Variants in TCF3 observed in about 807,000 individuals in gnomAD.
TCF3 encodes transcription factor 3.
A neutral mutation model predicts 72.3 loss-of-function variants in TCF3; 54 were observed. The observed-to-expected ratio is 0.75, with a 90% CI of 0.60 to 0.94. The LOEUF (loss-of-function observed/expected upper bound fraction) is 0.94. TCF3 is among the 40% of genes least tolerant of loss of function. The probability of loss-of-function intolerance (pLI) is 0.00; values close to 1 mark genes in which losing one functional copy is unlikely to be tolerated. For missense variants in TCF3, 1,078 were observed against 934.4 expected (o/e 1.15, Z -2.00); for synonymous variants, 525 against 412.6 (o/e 1.27, Z -3.30).
At chr19:1,616,832 T>C (rs2061595467) in intron 16 of TCF3, among the ~76,000 whole-genome samples, 1 of 150,180 alleles carries the variant, frequency 6.7e-6, no homozygotes, top group Non-Finnish European at 1.5e-5. Flanking sequence ...GAATTGAGAG[T>C]TCCTGATCAG....
chr19:1,618,294 C>T (rs908217553), intron 16 of TCF3, among the ~76,000 whole-genome samples: 1 of 152,132 alleles, frequency 6.6e-6, no homozygotes, highest in Admixed American at 6.5e-5. Context: ...ACTGCTCACC[C>T]CTCCAAGGCC....
rs745480144 is a variant in TCF3, at chr19:1,632,080, T to A, written c.256A>T (p.Ser86Cys). ...SEGTHFTESHSSLSSSTFLGP... is the reference protein window; with the variant it reads ...SEGTHFTESHCSLSSSTFLGP... ...AGGAATGTGGATGAAGAGAGGCTGCTGTGCGACTCAGTGAAGTGGGTGCCC... is the reference window on the plus strand; with the variant it reads ...AGGAATGTGGATGAAGAGAGGCTGCAGTGCGACTCAGTGAAGTGGGTGCCC... The change falls in exon 5 of 19, where the codon AGC becomes TGC. Residue 86 changes from serine (S) to cysteine (C), a missense_variant. Coordinates refer to ENST00000262965, the MANE Select transcript of TCF3 (RefSeq NM_003200.5). 2 of 1,613,430 alleles carry A rather than the reference T, an allele frequency of 1.2e-6. No homozygotes were observed. Among genetic ancestry groups the A allele is most frequent in the South Asian group, 2.2e-5 (2 of 90,952 alleles).
Position 1,632,418 on chromosome 19 carries a change from C to G in TCF3, c.146-13G>C, listed in dbSNP as rs1568437966. ...CGGTCCTCAAGACCTGCAGGCAGGACAGAGAGAGTTATGGGTCACCCTCAC... is the reference window on the plus strand; with the variant it reads ...CGGTCCTCAAGACCTGCAGGCAGGAGAGAGAGAGTTATGGGTCACCCTCAC... On this transcript the variant is annotated splice_polypyrimidine_tract_variant and intron_variant, in intron 3 of 18. Transcript: ENST00000262965. 4 of 1,585,590 alleles carry G rather than the reference C, an allele frequency of 2.5e-6. No individual in the cohort carries two copies. The highest frequency in any genetic ancestry group is 1.8e-5 in the Admixed American group (1 of 56,194).
intron 1 of TCF3, among the ~76,000 whole-genome samples, chr19:1,651,782 G>A (rs1181424990): frequency 6.6e-6 from 1 of 151,824 alleles, no homozygotes; most frequent in Non-Finnish European, 1.5e-5. Context: ...TTAACGCGGA[G>A]CAGATGTTAC....
chr19:1,625,320 G>A (rs990660794), intron 7 of TCF3, among the ~76,000 whole-genome samples: 3 of 152,232 alleles, frequency 2.0e-5, no homozygotes, highest in Admixed American at 2.0e-4. Flanking sequence ...GGCAGAGCCC[G>A]TGCCCGTCAG....
chr19:1,619,001 C>CATGG, intron 16 of TCF3, 110 bp downstream of exon 16: 1 of 1,525,850 alleles, frequency 6.6e-7, no homozygotes, highest in African/African-American at 1.4e-5. Context: ...TCACCAGGTG[C>CATGG]CCCCACGGTG....
At chr19:1,648,904 A>C (rs937525950) in intron 2 of TCF3, among the ~76,000 whole-genome samples, 1 of 151,908 alleles carries the variant, frequency 6.6e-6, no homozygotes, top group African/African-American at 2.4e-5. Flanking sequence ...CCAGGAACCC[A>C]TAACACATGG....
Position 1,615,192 on chromosome 19 carries a change from G to C in TCF3, c.1822+93C>G. 1 of 1,438,850 alleles carries C rather than the reference G, an allele frequency of 6.9e-7. No individual in the cohort carries two copies. The highest frequency in any genetic ancestry group is 9.2e-7 in the Non-Finnish European group (1 of 1,083,746). The allele number at this position is 1,438,850 out of a possible 1,614,324, so 89.1% of individuals were successfully genotyped here. On this transcript the variant is annotated intron_variant, in intron 18 of 18. Transcript: ENST00000262965. This position sits in a 1 kb window ranked among gnomAD's most constrained non-coding sequence, Gnocchi z 7.3. ...GGCAACTGCTGCAGAGGGAGGGCTG[G>C]CTCCAGGAAGGCGGGCGGGGAAGGA...
chr19:1,627,477 G>A (rs1304516865), intron 5 of TCF3, 51 bp from the exon 6 acceptor site: 1 of 1,559,496 alleles, frequency 6.4e-7, no homozygotes, highest in East Asian at 2.2e-5. Context: ...GGAACATCCT[G>A]AGGGCCCCCG....
intron 5 of TCF3, among the ~76,000 whole-genome samples, chr19:1,630,024 C>G (rs893229238): frequency 6.6e-6 from 1 of 152,192 alleles, no homozygotes; most frequent in African/African-American, 2.4e-5. Context: ...CCCCGTGCCT[C>G]CCCGGGACCC....
chr19:1,639,613 G>C (rs935519796), intron 3 of TCF3, among the ~76,000 whole-genome samples: 7 of 152,102 alleles, frequency 4.6e-5, no homozygotes, highest in African/African-American at 1.7e-4. Context: ...CTCGGCAGAG[G>C]AGCTCTGCGT....
At position 1,620,985 on chromosome 19, in the gene TCF3, G is replaced by A. The variant is rs772853413; in HGVS notation, c.1076C>T (p.Ser359Phe). 5.3e-6 allele frequency: 8 copies of A among 1,512,548 alleles called. No individual in the cohort carries two copies. The highest frequency in any genetic ancestry group is 7.1e-6 in the Non-Finnish European group (8 of 1,132,080). 93.7% of individuals were successfully genotyped at this position (1,512,548 alleles called of 1,614,324 possible). The change falls in exon 13 of 19, where the codon TCC becomes TTC. Residue 359 changes from serine (S) to phenylalanine (F), a missense_variant. By Grantham distance (155) the Ser-to-Phe change is radical. Transcript: ENST00000262965. ...TCACAGACCTGCCAGGCCCTGGGGG[G>A]AGCCCACGGGGGTAGAAGGGCTGGA... ...FSSSPSTPVGSPQGLAGTSQW... is the reference protein window; with the variant it reads ...FSSSPSTPVGFPQGLAGTSQW...
intron 18 of TCF3, among the ~76,000 whole-genome samples, 164 bp from the exon 19 acceptor site, chr19:1,612,013 G>A (rs995892702): frequency 2.6e-5 from 4 of 151,942 alleles, no homozygotes; most frequent in Non-Finnish European, 4.4e-5. Context: ...GAAGGCTGGG[G>A]GGATGGGGTG....
chr19:1,630,012 C>T (rs896267104), intron 5 of TCF3, among the ~76,000 whole-genome samples: 8 of 152,006 alleles, frequency 5.3e-5, no homozygotes, highest in African/African-American at 1.9e-4. Flanking sequence ...ATGGCAAAAG[C>T]CCCCCGTGCC....
intron 1 of TCF3, chr19:1,650,701 A>C: frequency 4.3e-6 from 1 of 234,728 alleles, no homozygotes; most frequent in Non-Finnish European, 8.4e-6. Context: ...AAAGGGAGGA[A>C]CAGCCCGATC....
rs565960382 is a variant in TCF3, at chr19:1,629,113, G to A, written c.299-1687C>T. 7.2e-4 allele frequency among the ~76,000 whole-genome samples: 107 copies of A among 149,086 alleles called. 26 individuals carry two copies. The highest frequency in any genetic ancestry group is 2.5e-3 in the African/African-American group (97 of 39,282). On this transcript the variant is annotated intron_variant, in intron 5 of 18. Coordinates refer to ENST00000262965, the MANE Select transcript of TCF3 (RefSeq NM_003200.5). Reference sequence around the variant, plus strand: ...GGGGACAGCAGAGCTCACGGGGTGAGGCGGGAAGGGGACAGCAGAGCTCAC... The same window carrying A: ...GGGGACAGCAGAGCTCACGGGGTGAAGCGGGAAGGGGACAGCAGAGCTCAC...
rs189490566 is a variant in TCF3 at position 1,637,225 on chromosome 19, G to A, written c.146-4820C>T. On this transcript the variant is annotated intron_variant, in intron 3 of 18. Transcript: ENST00000262965. Reference sequence around the variant, plus strand: ...CCTCGCAACCTCCTCCACCAGAACCGAGGACGCCTGGCAACCTCCTCCACC... The same window carrying A: ...CCTCGCAACCTCCTCCACCAGAACCAAGGACGCCTGGCAACCTCCTCCACC... Among the ~76,000 whole-genome samples the A allele has an allele frequency of 7.3e-3, 969 of 133,286 alleles. 2 individuals carry two copies. The highest frequency in any genetic ancestry group is 0.019 in the Middle Eastern group (5 of 258). 87.4% of individuals were successfully genotyped at this position (133,286 alleles called of 152,430 possible).
chr19:1,635,090 C>T lies in TCF3; in HGVS notation c.146-2685G>A, dbSNP rs79564425. 6.3e-3 allele frequency among the ~76,000 whole-genome samples: 961 copies of T among 152,310 alleles called. 17 individuals are homozygous for T. The highest frequency in any genetic ancestry group is 0.021 in the African/African-American group (887 of 41,570). On this transcript the variant is annotated intron_variant, in intron 3 of 18. Coordinates refer to ENST00000262965, the MANE Select transcript of TCF3 (RefSeq NM_003200.5). Reference sequence around the variant, plus strand: ...GGGCAGGCAAAACTATTGGTGGACACGGGCCCTGAACACAGCCCTGTGTAC... The same window carrying T: ...GGGCAGGCAAAACTATTGGTGGACATGGGCCCTGAACACAGCCCTGTGTAC...
chr19:1,627,658 T>C (rs957769691), intron 5 of TCF3, among the ~76,000 whole-genome samples: 22 of 152,030 alleles, frequency 1.4e-4, no homozygotes, highest in African/African-American at 4.1e-4. Flanking sequence ...TCCTGCCCAA[T>C]GACAGGCTTG....
Sources: allele counts gnomAD v4.1 joint callset (sites outside exome capture counted in the v4.1 genomes callset), GRCh38; gene constraint gnomAD v4.1.1; non-coding constraint Gnocchi (gnomAD v3.1); transcripts MANE v1.5; gene names NCBI Gene and HGNC (gene_info 2026-07-23, HGNC 2026-07-21).